Variants in GPC5 observed in about 807,000 individuals in gnomAD.
GPC5 encodes glypican 5, also known as glypican-5.
GPC5 carries 47 observed loss-of-function variants against 53.9 expected under a neutral mutation model. The ratio of observed to expected loss-of-function variants is 0.87; its 90% CI spans 0.69 to 1.11. GPC5 has a LOEUF of 1.11. Ranked by LOEUF, GPC5 falls within the 50% of genes most tolerant of loss-of-function variation. The pLI, the probability that GPC5 is intolerant of heterozygous loss-of-function variation, is 0.00. For missense variants in GPC5, 748 were observed against 713.1 expected (o/e 1.05, Z -0.56); for synonymous variants, 286 against 263.3 (o/e 1.09, Z -0.84).
At chr13:92,689,303 C>T (rs1289638729) in intron 7 of GPC5, among the ~76,000 whole-genome samples, 2 of 32,558 alleles carry the variant, frequency 6.1e-5, no homozygotes, top group Admixed American at 5.2e-4. Context: ...TTGAATTGAT[C>T]CCTTTACCAT....
At chr13:92,356,430 C>G (rs865773763) in intron 7 of GPC5, among the ~76,000 whole-genome samples, 9 of 152,022 alleles carry the variant, frequency 5.9e-5, no homozygotes. Context: ...TAGCAAAAGT[C>G]GAAACAGAAA....
chr13:92,027,523 T>C (rs2040809832), intron 6 of GPC5, among the ~76,000 whole-genome samples: 2 of 152,216 alleles, frequency 1.3e-5, no homozygotes. Context: ...GTTTGAAATG[T>C]ACAAGGTGAT....
At chr13:91,584,818 G>A (rs2032500547) in intron 2 of GPC5, among the ~76,000 whole-genome samples, 1 of 152,060 alleles carries the variant, frequency 6.6e-6, no homozygotes, top group African/African-American at 2.4e-5. Context: ...GACCTTAGGT[G>A]ATCTGCCCGC....
chr13:91,641,055 C>T (rs988127472), intron 2 of GPC5, among the ~76,000 whole-genome samples: 4 of 152,142 alleles, frequency 2.6e-5, no homozygotes, highest in Non-Finnish European at 5.9e-5. Flanking sequence ...CGGCCGGGTG[C>T]AGTGGCTCAC....
chr13:92,834,623 G>A (rs1878163030), intron 7 of GPC5, among the ~76,000 whole-genome samples: 1 of 152,188 alleles, frequency 6.6e-6, no homozygotes, highest in South Asian at 2.1e-4. Context: ...TGATGAATAT[G>A]AGAATATCTC....
intron 2 of GPC5, among the ~76,000 whole-genome samples, chr13:91,535,994 A>G (rs1010706017): frequency 2.0e-5 from 3 of 152,190 alleles, no homozygotes; most frequent in Admixed American, 1.3e-4. Flanking sequence ...ATATTTCTAT[A>G]TATGATTAAT....
chr13:92,440,246 C>T (rs1358001770), intron 7 of GPC5, among the ~76,000 whole-genome samples: 3 of 152,152 alleles, frequency 2.0e-5, no homozygotes, highest in Non-Finnish European at 4.4e-5. Context: ...CAACACTTTA[C>T]CCCTCCCTCT....
At chr13:92,278,709 G>A (rs2042892908) in intron 7 of GPC5, among the ~76,000 whole-genome samples, 1 of 151,680 alleles carries the variant, frequency 6.6e-6, no homozygotes, top group African/African-American at 2.4e-5. Context: ...TTTTGTGTTG[G>A]GTGTGAGGAA....
chr13:92,646,938 G>GTGTGTA (rs1885793350), intron 7 of GPC5, among the ~76,000 whole-genome samples: 1 of 148,838 alleles, frequency 6.7e-6, no homozygotes, highest in Non-Finnish European at 1.5e-5. Context: ...ACATGTGTGT[G>GTGTGTA]TGTGTGTGTG....
intron 7 of GPC5, among the ~76,000 whole-genome samples, chr13:92,664,889 AC>A (rs1376567199): frequency 6.6e-6 from 1 of 152,224 alleles, no homozygotes; most frequent in African/African-American, 2.4e-5. Context: ...ATTATTTATA[AC>A]AGCAAAAAAG....
chr13:92,483,693 C>T (rs1002187660), intron 7 of GPC5, among the ~76,000 whole-genome samples: 9 of 151,916 alleles, frequency 5.9e-5, no homozygotes, highest in African/African-American at 1.9e-4. Flanking sequence ...TGTTTTTTAA[C>T]ATTTTGACTT....
chr13:91,905,493 A>G lies in GPC5; in HGVS notation c.1281-2444A>G, dbSNP rs143904761. 1.6e-4 allele frequency among the ~76,000 whole-genome samples: 24 copies of G among 152,214 alleles called. No individual in the cohort carries two copies. In the East Asian group the frequency reaches 4.6e-3, roughly 29 times the overall value. On this transcript the variant is annotated intron_variant, in intron 5 of 7. Transcript: ENST00000377067. ...CCAAGGTTATATTTTAAATCAAAAG[A>G]TGTGTTAATATTATCATTTTTATCA...
chr13:92,452,568 C>CA (rs1566596692), intron 7 of GPC5, among the ~76,000 whole-genome samples: 17 of 114,864 alleles, frequency 1.5e-4, no homozygotes, highest in South Asian at 1.3e-3. Flanking sequence ...AATGATTACT[C>CA]CAAAAAAAAC....
chr13:92,081,044 C>T (rs2041290905), intron 6 of GPC5, among the ~76,000 whole-genome samples: 1 of 152,250 alleles, frequency 6.6e-6, no homozygotes, highest in African/African-American at 2.4e-5. Flanking sequence ...ACATAGAACC[C>T]TCTATATGCC....
At chr13:92,111,638 T>C (rs1188648673) in intron 6 of GPC5, among the ~76,000 whole-genome samples, 1 of 151,790 alleles carries the variant, frequency 6.6e-6, no homozygotes, top group Admixed American at 6.6e-5. Context: ...AGCAAGGTGC[T>C]ACACAAACTT....
chr13:92,039,129 AG>A (rs1238540716), intron 6 of GPC5, among the ~76,000 whole-genome samples: 1 of 152,192 alleles, frequency 6.6e-6, no homozygotes, highest in African/African-American at 2.4e-5. Flanking sequence ...GGTTTGGGAG[AG>A]AAAGACAAGA....
chr13:91,957,730 C>G (rs558148105), intron 6 of GPC5, among the ~76,000 whole-genome samples: 3 of 152,074 alleles, frequency 2.0e-5, no homozygotes, highest in South Asian at 2.1e-4. Flanking sequence ...AAAGTCTTCC[C>G]CAGACATACA....
At chr13:92,634,265 T>G (rs1206983429) in intron 7 of GPC5, among the ~76,000 whole-genome samples, 1 of 152,130 alleles carries the variant, frequency 6.6e-6, no homozygotes, top group African/African-American at 2.4e-5. Flanking sequence ...CTGCAAATGT[T>G]CTGAAACATT....
chr13:91,983,073 C>G (rs1221841917), intron 6 of GPC5, among the ~76,000 whole-genome samples: 1 of 151,908 alleles, frequency 6.6e-6, no homozygotes, highest in Non-Finnish European at 1.5e-5. Context: ...GTGCCGGTCG[C>G]GGTGGCTCAC....
Sources: gnomAD v4.1 joint callset for allele counts (sites outside exome capture counted in the v4.1 genomes callset) on GRCh38, gnomAD v4.1.1 for gene constraint, MANE v1.5 for transcripts, NCBI Gene and HGNC (gene_info 2026-07-23, HGNC 2026-07-21) for gene names.